SENP7: variants seen among roughly 807,000 people sequenced by gnomAD.
SENP7 encodes SUMO specific peptidase 7, also known as sentrin-specific protease 7.
SENP7 carries 64 observed loss-of-function variants against 141.2 expected under a neutral mutation model. The observed-to-expected ratio is 0.45, with a 90% confidence interval of 0.37 to 0.56. The LOEUF (loss-of-function observed/expected upper bound fraction) is 0.56. Ranked by LOEUF, SENP7 falls within the 20% of genes least tolerant of loss-of-function variation. The pLI, the probability that SENP7 is intolerant of heterozygous loss-of-function variation, is 0.00. For synonymous variants in SENP7, 382 were observed against 426.4 expected, an observed-to-expected ratio of 0.90 and a Z score of 1.28; for missense variants, 1,025 against 1,212.2, an observed-to-expected ratio of 0.85 and a Z score of 2.29.
intron 5 of SENP7, among the ~76,000 whole-genome samples, chr3:101,401,716 G>T (rs1354335441): frequency 6.6e-6 from 1 of 152,162 alleles, no homozygotes. Context: ...TCAATTCTAT[G>T]AAGACTGAGA....
intron 6 of SENP7, among the ~76,000 whole-genome samples, chr3:101,392,362 G>T (rs1266743276): frequency 6.6e-6 from 1 of 151,982 alleles, no homozygotes; most frequent in African/African-American, 2.4e-5. Flanking sequence ...TAAAATTGCA[G>T]GACACTGAAT....
chr3:101,508,427 T>G (rs2065715890), intron 1 of SENP7, among the ~76,000 whole-genome samples: 1 of 151,882 alleles, frequency 6.6e-6, no homozygotes, highest in Non-Finnish European at 1.5e-5. Flanking sequence ...AAACCCCATC[T>G]CTACTAAAAA....
At chr3:101,369,777 T>C (rs565204345) in intron 7 of SENP7, among the ~76,000 whole-genome samples, 1 of 152,098 alleles carries the variant, frequency 6.6e-6, no homozygotes, top group Non-Finnish European at 1.5e-5. Context: ...GCCTGTCTCA[T>C]GGAAAAAGGA....
intron 5 of SENP7, among the ~76,000 whole-genome samples, chr3:101,402,624 A>AAAAAAT: frequency 6.6e-6 from 1 of 151,606 alleles, no homozygotes; most frequent in East Asian, 1.9e-4. Flanking sequence ...CTCAAAAAAA[A>AAAAAAT]AAAAAAAAAA....
intron 2 of SENP7, among the ~76,000 whole-genome samples, chr3:101,498,839 G>A (rs368160782): frequency 1.3e-5 from 2 of 152,134 alleles, no homozygotes; most frequent in African/African-American, 4.8e-5. Flanking sequence ...TGTGAACTGT[G>A]CATGCAAGGG....
At chr3:101,409,976 A>G (rs1233359100) in intron 5 of SENP7, among the ~76,000 whole-genome samples, 1 of 152,216 alleles carries the variant, frequency 6.6e-6, no homozygotes, top group East Asian at 1.9e-4. Context: ...ACCAAAAGGA[A>G]CAGTCAGCAG....
chr3:101,503,076 T>C (rs1172178279), intron 1 of SENP7, among the ~76,000 whole-genome samples: 2 of 151,946 alleles, frequency 1.3e-5, no homozygotes, highest in Non-Finnish European at 2.9e-5. Context: ...AGCAAGATAA[T>C]CCTATCTTCA....
chr3:101,491,579 G>A (rs1206858175), intron 3 of SENP7, among the ~76,000 whole-genome samples: 1 of 152,056 alleles, frequency 6.6e-6, no homozygotes. Context: ...TTTCTACACA[G>A]CCCAAATTTT....
rs145668335 is a variant in SENP7, at chr3:101,437,334, A to G, written c.285-19544T>C. On this transcript the variant is annotated intron_variant, in intron 4 of 23. Transcript: ENST00000394095. ...ACAATAGAGTAATATAGTCAATATT[A>G]CTTAATCATATATTTTTAAATACCT... is the stretch of plus-strand genomic sequence containing the variant. 3.0e-3 allele frequency among the ~76,000 whole-genome samples: 463 copies of G among 152,338 alleles called. 3 individuals carry two copies. The highest frequency in any genetic ancestry group is 9.9e-3 in the African/African-American group (410 of 41,570).
chr3:101,366,783 CAT>C lies in SENP7; in HGVS notation c.979-16_979-15del. Reference sequence around the variant, plus strand: ...TTCTTGTTTTTTCTAAACATAAACACATAGAAAAAAATAGCATTTTTCAAATT... The same window carrying C: ...TTCTTGTTTTTTCTAAACATAAACACAGAAAAAAATAGCATTTTTCAAATT... On this transcript the variant is annotated splice_polypyrimidine_tract_variant and intron_variant, in intron 8 of 23. Coordinates refer to ENST00000394095, the MANE Select transcript of SENP7 (RefSeq NM_020654.5). 1 of 1,515,588 alleles carries C rather than the reference CAT, an allele frequency of 6.6e-7. No homozygotes were observed. 93.9% of individuals were successfully genotyped at this position (1,515,588 alleles called of 1,614,324 possible).
intron 1 of SENP7, 105 bp downstream of exon 1, chr3:101,512,986 C>T: frequency 7.6e-7 from 1 of 1,308,652 alleles, no homozygotes; most frequent in Admixed American, 1.7e-5. Context: ...CCCGCCCCCG[C>T]CCTCGCCCCC....
Position 101,338,945 on chromosome 3 carries a change from A to G in SENP7, c.2357+1150T>C, listed in dbSNP as rs373531501. On this transcript the variant is annotated intron_variant, in intron 16 of 23. Coordinates refer to ENST00000394095, the MANE Select transcript of SENP7 (RefSeq NM_020654.5). ...CAAGCATATTTATAAATACAAAAAT[A>G]TCCAGCACCCAATCAAAAAATTACC... 9.8e-5 allele frequency among the ~76,000 whole-genome samples: 15 copies of G among 152,344 alleles called. No individual in the cohort carries two copies. In the East Asian group the frequency reaches 1.2e-3, roughly 12 times the overall value.
At chr3:101,432,062 C>T (rs2107721204) in intron 4 of SENP7, among the ~76,000 whole-genome samples, 2 of 152,186 alleles carry the variant, frequency 1.3e-5, no homozygotes, top group South Asian at 4.1e-4. Flanking sequence ...GAGCTCACTG[C>T]CCTAAAGGTT....
At position 101,367,899 on chromosome 3, in the gene SENP7, CTT is replaced by C; in HGVS notation, c.907_908del (p.Lys303GlufsTer4). 1 of 1,611,546 alleles carries C rather than the reference CTT, an allele frequency of 6.2e-7. No homozygotes were observed. Among genetic ancestry groups the C allele is most frequent in the Non-Finnish European group, 8.5e-7 (1 of 1,178,022 alleles). On this transcript the variant is annotated frameshift_variant, in exon 8 of 24. Coordinates refer to ENST00000394095, the MANE Select transcript of SENP7 (RefSeq NM_020654.5). LOFTEE classifies it high-confidence loss of function. ...VELTLISRKTKRRLRNNLPDS... is the reference protein window; with the variant it reads ...VELTLISRKTXRRLRNNLPDS... ...CAGGTAAATTATTTCTAAGCCTTCTCTTTGTCTTCCTGGAAATCAGAGTGAGT... is the reference window on the plus strand; with the variant it reads ...CAGGTAAATTATTTCTAAGCCTTCTCTGTCTTCCTGGAAATCAGAGTGAGT...
At position 101,366,726 on chromosome 3, in the gene SENP7, T is replaced by A. The variant is rs927330461; in HGVS notation, c.1022A>T (p.Lys341Met). 6.2e-7 allele frequency: 1 copy of A among 1,610,900 alleles called. No individual in the cohort carries two copies. The highest frequency in any genetic ancestry group is 1.7e-5 in the Admixed American group (1 of 59,728). Residue 341 changes from lysine (K) to methionine (M), a missense_variant, in exon 9 of 24, where the codon AAG becomes ATG. Lys to Met is a moderately conservative substitution (Grantham distance 95). This residue lies in a region of SENP7 where 496 missense variants were observed against 503.5 expected (regional missense o/e 0.99). Transcript: ENST00000394095. Reference protein sequence around the residue: ...DDSTISTEFEKPSENYHQDPK... With the variant: ...DDSTISTEFEMPSENYHQDPK... ...ATCCTGATGATAGTTTTCACTTGGCTTTTCAAACTCAGTGGATATTGTTGA... is the reference window on the plus strand; with the variant it reads ...ATCCTGATGATAGTTTTCACTTGGCATTTCAAACTCAGTGGATATTGTTGA...
At chr3:101,374,786 A>G (rs1264104485) in intron 6 of SENP7, among the ~76,000 whole-genome samples, 1 of 151,746 alleles carries the variant, frequency 6.6e-6, no homozygotes, top group East Asian at 1.9e-4. Context: ...AAAAAAAAAA[A>G]AAATCAAAAA....
chr3:101,434,969 A>C (rs1167728911), intron 4 of SENP7, among the ~76,000 whole-genome samples: 1 of 152,174 alleles, frequency 6.6e-6, no homozygotes, highest in Non-Finnish European at 1.5e-5. Flanking sequence ...AACATCAAAA[A>C]AAGAAAACTA....
chr3:101,486,945 C>A (rs1259762635), intron 3 of SENP7, among the ~76,000 whole-genome samples: 1 of 152,084 alleles, frequency 6.6e-6, no homozygotes. Flanking sequence ...CAAATGGACA[C>A]CAAAAGCGAG....
At chr3:101,464,726 C>T (rs2063703713) in intron 3 of SENP7, among the ~76,000 whole-genome samples, 1 of 152,056 alleles carries the variant, frequency 6.6e-6, no homozygotes, top group Non-Finnish European at 1.5e-5. Flanking sequence ...ATGTAACATG[C>T]TTGAATCATT....
Sources: gnomAD v4.1 joint callset for allele counts (sites outside exome capture counted in the v4.1 genomes callset) on GRCh38, gnomAD v4.1.1 for gene constraint, gnomAD v4.1.1 regional missense constraint, MANE v1.5 for transcripts, NCBI Gene and HGNC (gene_info 2026-07-23, HGNC 2026-07-21) for gene names.